Variants in CSMD2 observed in about 807,000 individuals in gnomAD.
The protein encoded by CSMD2 is CUB and sushi domain-containing protein 2.
In CSMD2, 130 loss-of-function variants were observed where a neutral mutation model predicts 398.5. The ratio of observed to expected loss-of-function variants is 0.33; its 90% CI spans 0.28 to 0.38. The LOEUF is 0.38. Among genes scored for constraint, CSMD2 ranks in the 10% least tolerant of loss-of-function variants. The pLI, the probability that CSMD2 is intolerant of heterozygous loss-of-function variation, is 1.00. For synonymous variants in CSMD2, 1,828 were observed against 1,908.5 expected, an observed-to-expected ratio of 0.96 and a Z score of 1.10; for missense variants, 3,829 against 4,764.9, an observed-to-expected ratio of 0.80 and a Z score of 5.78.
chr1:34,052,630 T>C (rs1345497942), intron 2 of CSMD2, among the ~76,000 whole-genome samples: 1 of 152,036 alleles, frequency 6.6e-6, no homozygotes, highest in Non-Finnish European at 1.5e-5. Context: ...CTCATTTATA[T>C]GTGTGTACTT....
chr1:34,142,413 C>T (rs1424738446), intron 1 of CSMD2, among the ~76,000 whole-genome samples: 1 of 152,156 alleles, frequency 6.6e-6, no homozygotes, highest in African/African-American at 2.4e-5. Flanking sequence ...AGACGCAAGT[C>T]CTGAAATTCA....
At chr1:33,987,333 C>G (rs182120010) in intron 3 of CSMD2, among the ~76,000 whole-genome samples, 237 of 152,236 alleles carry the variant, frequency 1.6e-3, no homozygotes, top group Non-Finnish European at 2.7e-3. Flanking sequence ...TATACACATA[C>G]CAGATAATTT....
intron 3 of CSMD2, among the ~76,000 whole-genome samples, chr1:33,940,250 C>T (rs1385838659): frequency 6.6e-6 from 1 of 152,022 alleles, no homozygotes; most frequent in Admixed American, 6.6e-5. Flanking sequence ...AAGGACACCA[C>T]TCATATTGGA....
intron 4 of CSMD2, among the ~76,000 whole-genome samples, chr1:33,920,470 A>C (rs759059070): frequency 7.1e-6 from 1 of 139,998 alleles, no homozygotes; most frequent in Non-Finnish European, 1.5e-5. Flanking sequence ...TGAACCCAGG[A>C]GGTAGAGTTT....
At chr1:33,773,038 C>G (rs1651496891) in intron 12 of CSMD2, among the ~76,000 whole-genome samples, 1 of 152,198 alleles carries the variant, frequency 6.6e-6, no homozygotes, top group Admixed American at 6.5e-5. Flanking sequence ...TCCCTTACCC[C>G]TCCCTAAATC....
chr1:33,830,261 C>CA (rs1316409068), intron 6 of CSMD2, among the ~76,000 whole-genome samples: 1 of 152,200 alleles, frequency 6.6e-6, no homozygotes, highest in African/African-American at 2.4e-5. Flanking sequence ...AGGCACCCCC[C>CA]AGTAGGGGCA....
intron 6 of CSMD2, among the ~76,000 whole-genome samples, chr1:33,832,954 G>T (rs1014383067): frequency 1.3e-5 from 2 of 152,034 alleles, no homozygotes; most frequent in Admixed American, 1.3e-4. Flanking sequence ...AAACCAGGAA[G>T]AAGTCGAATC....
In CSMD2 at chr1:33,789,954, C is replaced by T. The variant is rs147910824; in HGVS notation, c.1551-1242G>A. On this transcript the variant is annotated intron_variant, in intron 11 of 70. Coordinates refer to ENST00000373381, the MANE Select transcript of CSMD2 (RefSeq NM_001281956.2). ...TGGGACCTTGGGCAAGTGGTTGAGCCTCTCTGGGCTTTTTCACTCTATGTT... is the reference window on the plus strand; with the variant it reads ...TGGGACCTTGGGCAAGTGGTTGAGCTTCTCTGGGCTTTTTCACTCTATGTT... 3.3e-3 allele frequency among the ~76,000 whole-genome samples: 506 copies of T among 152,310 alleles called. 1 individual carries two copies. Among genetic ancestry groups the T allele is most frequent in the African/African-American group, 0.012 (486 of 41,576 alleles).
At chr1:33,664,706 G>A (rs1355403858) in intron 25 of CSMD2, among the ~76,000 whole-genome samples, 1 of 152,136 alleles carries the variant, frequency 6.6e-6, no homozygotes, top group Non-Finnish European at 1.5e-5. Context: ...GGGAGGCTGA[G>A]GCAGGAGAAT....
chr1:33,705,726 G>A (rs542347388), intron 22 of CSMD2, among the ~76,000 whole-genome samples: 3 of 151,272 alleles, frequency 2.0e-5, no homozygotes, highest in Non-Finnish European at 2.9e-5. Context: ...TTGGCTTACA[G>A]TTGTTCCTAA....
chr1:33,997,269 G>A (rs117799266), intron 3 of CSMD2, among the ~76,000 whole-genome samples: 132 of 152,346 alleles, frequency 8.7e-4, no homozygotes, highest in African/African-American at 3.0e-3. Context: ...GGCCCCAGTG[G>A]AATGGCTCAG....
intron 41 of CSMD2, among the ~76,000 whole-genome samples, chr1:33,609,679 TA>T (rs1236824327): frequency 1.3e-5 from 2 of 152,146 alleles, no homozygotes; most frequent in African/African-American, 2.4e-5. Context: ...AAATTAACTT[TA>T]AAAAACAAAA....
chr1:33,853,877 G>A (rs1217074664), intron 5 of CSMD2, among the ~76,000 whole-genome samples: 1 of 152,216 alleles, frequency 6.6e-6, no homozygotes, highest in African/African-American at 2.4e-5. Context: ...CATCCCCTCT[G>A]CTATCAGGAG....
intron 5 of CSMD2, among the ~76,000 whole-genome samples, chr1:33,906,478 G>T (rs761794199): frequency 7.2e-5 from 11 of 152,200 alleles, no homozygotes; most frequent in Admixed American, 6.5e-5. Context: ...AAGATGATGG[G>T]CTGAATTCAG....
chr1:33,661,503 C>T (rs548141974), intron 26 of CSMD2, among the ~76,000 whole-genome samples: 222 of 152,280 alleles, frequency 1.5e-3, no homozygotes, highest in African/African-American at 4.9e-3. Flanking sequence ...TTCTCAGAGG[C>T]CCCATATTGC....
chr1:33,816,120 A>T (rs1043149583), intron 9 of CSMD2, among the ~76,000 whole-genome samples: 3 of 152,210 alleles, frequency 2.0e-5, no homozygotes, highest in African/African-American at 7.2e-5. Context: ...TCCCTGTGCC[A>T]CATGGTTAAT....
At chr1:33,696,498 C>A (rs1571255191) in intron 24 of CSMD2, among the ~76,000 whole-genome samples, 2 of 152,194 alleles carry the variant, frequency 1.3e-5, no homozygotes, top group Admixed American at 1.3e-4. Flanking sequence ...GGACCCATGG[C>A]AGGGAGTAGG....
chr1:34,158,861 A>C (rs1641048914), intron 1 of CSMD2, among the ~76,000 whole-genome samples: 1 of 152,178 alleles, frequency 6.6e-6, no homozygotes, highest in Non-Finnish European at 1.5e-5. Context: ...CAAATACAAT[A>C]TTACAGTGAT....
intron 3 of CSMD2, among the ~76,000 whole-genome samples, chr1:33,994,038 G>A (rs1032679074): frequency 6.6e-6 from 1 of 152,146 alleles, no homozygotes; most frequent in Admixed American, 6.5e-5. Flanking sequence ...CCCATGGGTG[G>A]AGACAATTGT....
Sources: allele counts gnomAD v4.1 joint callset (sites outside exome capture counted in the v4.1 genomes callset), GRCh38; gene constraint gnomAD v4.1.1; transcripts MANE v1.5; gene names NCBI Gene and HGNC (gene_info 2026-07-23, HGNC 2026-07-21).